MIEF1: variants seen among roughly 807,000 people sequenced by gnomAD.
The protein encoded by MIEF1 is mitochondrial elongation factor 1.
MIEF1 carries 14 observed loss-of-function variants against 35.1 expected under a neutral mutation model. The ratio of observed to expected loss-of-function variants is 0.40; its 90% CI spans 0.26 to 0.62. The LOEUF (loss-of-function observed/expected upper bound fraction) is 0.62, where lower values mean the gene tolerates loss of function less well. Among genes scored for constraint, MIEF1 ranks in the 20% least tolerant of loss-of-function variants. The probability of loss-of-function intolerance (pLI) is 0.43; values close to 1 mark genes in which losing one functional copy is unlikely to be tolerated. For missense variants in MIEF1, 542 were observed against 615.4 expected, an observed-to-expected ratio of 0.88 and a Z score of 1.26; for synonymous variants, 245 against 254.3, an observed-to-expected ratio of 0.96 and a Z score of 0.35.
chr22:39,502,558 C>G (rs960220251), intron 1 of MIEF1, 121 bp downstream of exon 1: 3 of 152,222 alleles, frequency 2.0e-5, no homozygotes, highest in Admixed American at 6.5e-5. Flanking sequence ...AGCATGCAGC[C>G]GGGGGTCTCG....
intron 2 of MIEF1, chr22:39,504,754 C>G (rs528213736): frequency 4.7e-6 from 1 of 212,992 alleles, no homozygotes; most frequent in East Asian, 1.0e-4. Flanking sequence ...GCACTCCAGG[C>G]TGGGTGACAG....
chr22:39,509,241 AC>A (rs1343699528), intron 2 of MIEF1: 2 of 152,266 alleles, frequency 1.3e-5, no homozygotes, highest in African/African-American at 4.8e-5. Context: ...GGTGTGAGCC[AC>A]CGCGCCCGGC....
chr22:39,514,039 A>G lies in MIEF1; in HGVS notation c.1108A>G (p.Ile370Val). Residue 370 changes from isoleucine to valine, a missense_variant, in exon 6 of 6, where the codon ATA becomes GTA. Coordinates refer to ENST00000325301, the MANE Select transcript of MIEF1 (RefSeq NM_019008.6). ...RSLCLKILKAICKSTPALGHL... is the reference protein window; with the variant it reads ...RSLCLKILKAVCKSTPALGHL... ...TCTGTGCCTCAAGATCCTCAAGGCC[A>G]TATGCAAGTCCACCCCGGCTCTGGG... 5.0e-6 allele frequency: 8 copies of G among 1,613,878 alleles called. No individual in the cohort carries two copies. The highest frequency in any genetic ancestry group is 6.8e-6 in the Non-Finnish European group (8 of 1,180,040).
rs995044568 is a variant in MIEF1, at chr22:39,514,555, A to G, written c.*232A>G. On this transcript the variant is annotated 3_prime_UTR_variant, in exon 6 of 6. Coordinates refer to ENST00000325301, the MANE Select transcript of MIEF1 (RefSeq NM_019008.6). ...GTGCTCTCTGCCGCCCCCTGGCTCC[A>G]GGCTAATTTTTCTGGAATGAATTGA... 5.3e-6 allele frequency: 3 copies of G among 561,048 alleles called. No individual in the cohort carries two copies. Among genetic ancestry groups the G allele is most frequent in the African/African-American group, 3.8e-5 (2 of 53,152 alleles). 34.8% of individuals were successfully genotyped at this position (561,048 alleles called of 1,614,324 possible). A position where few individuals can be genotyped will look rare whatever the true frequency, so the allele number is the denominator to read the frequency against.
In MIEF1 at chr22:39,515,433, C is replaced by T. The variant is rs1930608939; in HGVS notation, c.*1110C>T. Reference sequence around the variant, plus strand: ...CAGCCCTTCATCCTCCAGCGTCTGCCATAGGAATGTGAGAGGGGTGTTTGC... The same window carrying T: ...CAGCCCTTCATCCTCCAGCGTCTGCTATAGGAATGTGAGAGGGGTGTTTGC... On this transcript the variant is annotated 3_prime_UTR_variant, in exon 6 of 6. Transcript: ENST00000325301. 1.5e-6 allele frequency: 1 copy of T among 686,334 alleles called. No homozygotes were observed. The highest frequency in any genetic ancestry group is 2.7e-6 in the Non-Finnish European group (1 of 369,876). The allele number at this position is 686,334 out of a possible 1,614,324, so 42.5% of individuals were successfully genotyped here. A position where few individuals can be genotyped will look rare whatever the true frequency, so the allele number is the denominator to read the frequency against.
In MIEF1 at chr22:39,514,091, A is replaced by C; in HGVS notation, c.1160A>C (p.Asn387Thr). ...LGHLTASQLT[N>T]VILHLAQEEA... The stretch of plus-strand genomic sequence containing the variant: ...CACCTCACTGCCAGCCAGCTAACCA[A>C]TGTCATCCTCCACTTGGCCCAGGAG... Residue 387 changes from asparagine (N) to threonine (T), a missense_variant, in exon 6 of 6, where the codon AAT becomes ACT. By Grantham distance (65) the Asn-to-Thr change is moderately conservative. Coordinates refer to ENST00000325301, the MANE Select transcript of MIEF1 (RefSeq NM_019008.6). The C allele has an allele frequency of 1.2e-6, 2 of 1,614,106 alleles. No homozygotes were observed. Among genetic ancestry groups the C allele is most frequent in the Non-Finnish European group, 1.7e-6 (2 of 1,180,014 alleles).
At chr22:39,511,178 G>C in intron 2 of MIEF1, 110 bp from the exon 3 acceptor site, 1 of 1,382,768 alleles carries the variant, frequency 7.2e-7, no homozygotes, top group Non-Finnish European at 1.0e-6. Context: ...AAGAAGATTT[G>C]GGTTGCTGGA....
At position 39,514,648 on chromosome 22, in the gene MIEF1, C is replaced by T; in HGVS notation, c.*325C>T. 2.6e-6 allele frequency: 1 copy of T among 384,738 alleles called. No homozygotes were observed. The highest frequency in any genetic ancestry group is 4.8e-6 in the Non-Finnish European group (1 of 209,714). 23.8% of individuals were successfully genotyped at this position (384,738 alleles called of 1,614,324 possible). On this transcript the variant is annotated 3_prime_UTR_variant, in exon 6 of 6. Coordinates refer to ENST00000325301, the MANE Select transcript of MIEF1 (RefSeq NM_019008.6). ...TTGCGTTTTGGCCCATGTTTGCTGC[C>T]TCTATCTGGTCTGCCTTGCCCGTTT... is the stretch of plus-strand genomic sequence containing the variant.
chr22:39,511,518 C>A lies in MIEF1; in HGVS notation c.144+80C>A, dbSNP rs866428874. ...GTAATGTTTTATAGAAAGAAAATGT[C>A]GAAGCGTTCTAGGAGGAAATGATCG... On this transcript the variant is annotated intron_variant, in intron 3 of 5. Transcript: ENST00000325301. 6 of 1,444,468 alleles carry A rather than the reference C, an allele frequency of 4.2e-6. No individual in the cohort carries two copies. In the Middle Eastern group the frequency reaches 1.1e-3, roughly 277 times the overall value. The allele number at this position is 1,444,468 out of a possible 1,614,324, so 89.5% of individuals were successfully genotyped here.
chr22:39,514,388 C>CACCAACTAGGTAGCCAAGTGTA lies in MIEF1; in HGVS notation c.*65_*66insACCAACTAGGTAGCCAAGTGTA. On this transcript the variant is annotated 3_prime_UTR_variant, in exon 6 of 6. Transcript: ENST00000325301. ...TGGATTCTCCGTTAGATACACTTGG[C>CACCAACTAGGTAGCCAAGTGTA]TACCTAGTTGGTGCCTCACAGGGTT... 1 of 1,547,374 alleles carries CACCAACTAGGTAGCCAAGTGTA rather than the reference C, an allele frequency of 6.5e-7. No homozygotes were observed. Among genetic ancestry groups the CACCAACTAGGTAGCCAAGTGTA allele is most frequent in the Non-Finnish European group, 8.8e-7 (1 of 1,134,586 alleles).
chr22:39,513,395 C>A, intron 5 of MIEF1, 122 bp from the exon 6 acceptor site: 1 of 1,042,078 alleles, frequency 9.6e-7, no homozygotes, highest in Non-Finnish European at 1.4e-6. Context: ...TGGGCCACTG[C>A]GCCCGGCCTA....
intron 3 of MIEF1, 86 bp downstream of exon 3, chr22:39,511,524 G>T: frequency 6.9e-7 from 1 of 1,441,442 alleles, no homozygotes; most frequent in Non-Finnish European, 9.1e-7. Context: ...ATGTCGAAGC[G>T]TTCTAGGAGG....
Position 39,511,862 on chromosome 22 carries a change from C to T in MIEF1, c.158C>T (p.Ala53Val), listed in dbSNP as rs373246269. The T allele has an allele frequency of 2.6e-5, 42 of 1,612,708 alleles. 2 individuals carry two copies. The South Asian group carries it at 2.9e-4, about 11-fold the overall frequency. ...CTGCTATTTCAGATGTACGATCGGG[C>T]GATCAGTGCCCCTACCAGCCCCACC... The part of the protein sequence containing the change: ...TLAVKRMYDR[A>V]ISAPTSPTRL... The change falls in exon 4 of 6, where the codon GCG (alanine) becomes GTG (valine). Residue 53 changes from alanine (A) to valine (V), a missense_variant. Coordinates refer to ENST00000325301, the MANE Select transcript of MIEF1 (RefSeq NM_019008.6).
At position 39,517,614 on chromosome 22, in the gene MIEF1, C is replaced by A. The variant is rs180917844; in HGVS notation, c.*3291C>A. Reference sequence around the variant, plus strand: ...TCCAGAGCTCTCTGCCATGATACTTCCTTGGGACTGACTTGGCTGAGAACG... The same window carrying A: ...TCCAGAGCTCTCTGCCATGATACTTACTTGGGACTGACTTGGCTGAGAACG... On this transcript the variant is annotated 3_prime_UTR_variant, in exon 6 of 6. Coordinates refer to ENST00000325301, the MANE Select transcript of MIEF1 (RefSeq NM_019008.6). 2.8e-5 allele frequency: 13 copies of A among 471,132 alleles called. No homozygotes were observed. Among genetic ancestry groups the A allele is most frequent in the African/African-American group, 1.6e-4 (8 of 50,186 alleles). 29.2% of individuals were successfully genotyped at this position (471,132 alleles called of 1,614,324 possible).
At chr22:39,507,788 C>G (rs745904586) in intron 2 of MIEF1, among the ~76,000 whole-genome samples, 1 of 151,912 alleles carries the variant, frequency 6.6e-6, no homozygotes, top group Admixed American at 6.6e-5. Flanking sequence ...TCACTTGAAC[C>G]TGGGAGGTGG....
rs534299680 is a variant in MIEF1, at chr22:39,505,123, C to T, written c.-8+589C>T. Among the ~76,000 whole-genome samples, 8 of 151,066 alleles carry T rather than the reference C, an allele frequency of 5.3e-5. 1 individual carries two copies. Among genetic ancestry groups the T allele is most frequent in the Admixed American group, 4.6e-4 (7 of 15,196 alleles). The stretch of plus-strand genomic sequence containing the variant: ...GCAGGAGAATTGCTTGAACCCGGCA[C>T]GTGGAGGTTGCAGTGAACCAAGATC... On this transcript the variant is annotated intron_variant, in intron 2 of 5. Transcript: ENST00000325301.
chr22:39,511,977 G>C lies in MIEF1; in HGVS notation c.273G>C (p.Leu91=). ...TGAACAGGGACATGAAGACGGGCCTGAGCCGGTCCTTGCAGACCCTTCCCA... is the reference window on the plus strand; with the variant it reads ...TGAACAGGGACATGAAGACGGGCCTCAGCCGGTCCTTGCAGACCCTTCCCA... ...RLLNRDMKTG[L]SRSLQTLPTD... is the part of the protein sequence containing the mutation. The change falls in exon 4 of 6, where the codon CTG becomes CTC. Residue 91 remains leucine, a synonymous_variant. Coordinates refer to ENST00000325301, the MANE Select transcript of MIEF1 (RefSeq NM_019008.6). 4 of 1,614,134 alleles carry C rather than the reference G, an allele frequency of 2.5e-6. No individual in the cohort carries two copies. Among genetic ancestry groups the C allele is most frequent in the Non-Finnish European group, 3.4e-6 (4 of 1,180,032 alleles).
Position 39,514,242 on chromosome 22 carries a change from G to T in MIEF1, c.1311G>T (p.Glu437Asp), listed in dbSNP as rs376174257. Residue 437 changes from glutamate (E) to aspartate (D), a missense_variant, in exon 6 of 6, where the codon GAG becomes GAT. By Grantham distance (45) the Glu-to-Asp change is conservative (BLOSUM62 2). Coordinates refer to ENST00000325301, the MANE Select transcript of MIEF1 (RefSeq NM_019008.6). The part of the protein sequence containing the change: ...ALNPKVNLFA[E>D]LTPEEIDELG... ...ACCCCAAGGTGAACTTATTTGCAGAGCTCACCCCTGAAGAAATAGACGAAT... is the reference window on the plus strand; with the variant it reads ...ACCCCAAGGTGAACTTATTTGCAGATCTCACCCCTGAAGAAATAGACGAAT... The T allele has an allele frequency of 1.2e-6, 2 of 1,614,100 alleles. No individual in the cohort carries two copies. Among genetic ancestry groups the T allele is most frequent in the African/African-American group, 2.7e-5 (2 of 74,940 alleles).
chr22:39,507,744 A>G (rs1930119863), intron 2 of MIEF1, among the ~76,000 whole-genome samples: 1 of 151,926 alleles, frequency 6.6e-6, no homozygotes, highest in Non-Finnish European at 1.5e-5. Flanking sequence ...TCATGCCTGT[A>G]ATCCCAGCTA....
Sources: allele counts gnomAD v4.1 joint callset (sites outside exome capture counted in the v4.1 genomes callset), GRCh38; gene constraint gnomAD v4.1.1; transcripts MANE v1.5; gene names NCBI Gene and HGNC (gene_info 2026-07-23, HGNC 2026-07-21).